Variants in B3GALT1 observed in about 807,000 individuals in gnomAD.
B3GALT1 encodes beta-1,3-galactosyltransferase 1.
In B3GALT1, 10 loss-of-function variants were observed where a neutral mutation model predicts 23.2. The observed-to-expected ratio is 0.43, with a 90% CI of 0.27 to 0.73. The LOEUF is 0.73. Ranked by LOEUF, B3GALT1 falls within the 30% of genes least tolerant of loss-of-function variation. The pLI is 0.21. For synonymous variants in B3GALT1, 156 were observed against 141.5 expected (o/e 1.10, Z -0.73); for missense variants, 299 against 405.4 (o/e 0.74, Z 2.25).
At chr2:167,743,100 A>G (rs1482349084) in intron 3 of B3GALT1, among the ~76,000 whole-genome samples, 1 of 152,084 alleles carries the variant, frequency 6.6e-6, no homozygotes, top group African/African-American at 2.4e-5. Flanking sequence ...TACTGTAGCT[A>G]TAGTTCACTC....
At chr2:167,434,066 A>G (rs758806877) in intron 1 of B3GALT1, among the ~76,000 whole-genome samples, 31 of 152,234 alleles carry the variant, frequency 2.0e-4, no homozygotes, top group Non-Finnish European at 4.0e-4. Context: ...ATGTAATGGA[A>G]GGAAACATGT....
chr2:167,694,851 T>C (rs142040979), intron 3 of B3GALT1, among the ~76,000 whole-genome samples: 160 of 152,318 alleles, frequency 1.1e-3, no homozygotes, highest in African/African-American at 3.4e-3. Context: ...CCTTTTTGTC[T>C]TTCCAATCAA....
At chr2:167,430,974 G>C (rs933164344) in intron 1 of B3GALT1, among the ~76,000 whole-genome samples, 7 of 152,126 alleles carry the variant, frequency 4.6e-5, no homozygotes, top group African/African-American at 1.2e-4. Context: ...TTATCCTTCA[G>C]GCAGTTTCCC....
At position 167,764,140 on chromosome 2, in the gene B3GALT1, CA is replaced by C. The variant is rs1687938847; in HGVS notation, c.-351-54529del. ...TATCTTTTTTTAGATTTAAGAGCTC[CA>C]AATAGCACTGTAGCCTACATTAAGC... On this transcript the variant is annotated intron_variant, in intron 3 of 4. Coordinates refer to ENST00000392690, the MANE Select transcript of B3GALT1 (RefSeq NM_020981.4). 2.0e-5 allele frequency among the ~76,000 whole-genome samples: 3 copies of C among 152,140 alleles called. No homozygotes were observed. The South Asian group carries it at 6.2e-4, about 31-fold the overall frequency.
chr2:167,509,613 C>T (rs897044239), intron 2 of B3GALT1, among the ~76,000 whole-genome samples: 1 of 152,036 alleles, frequency 6.6e-6, no homozygotes, highest in Non-Finnish European at 1.5e-5. Context: ...AGACAGTAAA[C>T]AAGCCATGCA....
At chr2:167,818,187 A>G (rs1484501234) in intron 3 of B3GALT1, among the ~76,000 whole-genome samples, 1 of 152,198 alleles carries the variant, frequency 6.6e-6, no homozygotes, top group African/African-American at 2.4e-5. Context: ...TTAAAATTAG[A>G]TCCTAAAGTA....
At chr2:167,635,404 CA>C (rs200159570) in intron 2 of B3GALT1, among the ~76,000 whole-genome samples, 1,693 of 152,240 alleles carry the variant, frequency 0.011, 14 homozygotes, top group South Asian at 0.036. Context: ...GAAAGGAAGT[CA>C]AATTGTCTCT....
intron 3 of B3GALT1, among the ~76,000 whole-genome samples, chr2:167,768,695 A>G (rs1688018082): frequency 6.6e-6 from 1 of 152,236 alleles, no homozygotes; most frequent in Non-Finnish European, 1.5e-5. Context: ...TGACAAGTTC[A>G]TAGAATGCAT....
chr2:167,860,871 T>A (rs1690085909), intron 4 of B3GALT1, among the ~76,000 whole-genome samples: 1 of 152,074 alleles, frequency 6.6e-6, no homozygotes, highest in African/African-American at 2.4e-5. Context: ...GCTTTTCTTT[T>A]TTTTTTTTTC....
intron 2 of B3GALT1, among the ~76,000 whole-genome samples, chr2:167,629,373 T>C (rs1685400362): frequency 6.6e-6 from 1 of 151,760 alleles, no homozygotes. Flanking sequence ...GTTTTAATTT[T>C]GACGTCAGCC....
chr2:167,530,503 G>T (rs920768422), intron 2 of B3GALT1, among the ~76,000 whole-genome samples: 1 of 152,176 alleles, frequency 6.6e-6, no homozygotes, highest in Non-Finnish European at 1.5e-5. Context: ...TGCTGGAATA[G>T]TTCCTTAAAT....
chr2:167,362,267 G>T (rs552563126), intron 1 of B3GALT1, among the ~76,000 whole-genome samples: 1 of 152,162 alleles, frequency 6.6e-6, no homozygotes, highest in East Asian at 1.9e-4. Context: ...ACAAGATAGG[G>T]TGATACATCA....
chr2:167,424,591 A>ATGTGTGTG (rs953307664), intron 1 of B3GALT1, among the ~76,000 whole-genome samples: 1 of 151,292 alleles, frequency 6.6e-6, no homozygotes, highest in Non-Finnish European at 1.5e-5. Context: ...GTTTGTGTGT[A>ATGTGTGTG]TGTGTGTGTG....
intron 1 of B3GALT1, among the ~76,000 whole-genome samples, chr2:167,355,497 A>C (rs1258209311): frequency 6.6e-6 from 1 of 152,186 alleles, no homozygotes; most frequent in Non-Finnish European, 1.5e-5. Context: ...ATCAATAATT[A>C]CAGTAGGTTG....
At chr2:167,737,854 T>C (rs963617123) in intron 3 of B3GALT1, among the ~76,000 whole-genome samples, 1 of 152,190 alleles carries the variant, frequency 6.6e-6, no homozygotes, top group African/African-American at 2.4e-5. Flanking sequence ...ACTTAACCCA[T>C]CAGTGGAGTT....
At chr2:167,298,774 CTG>C (rs1340848225) in intron 1 of B3GALT1, among the ~76,000 whole-genome samples, 2 of 152,026 alleles carry the variant, frequency 1.3e-5, no homozygotes, top group African/African-American at 2.4e-5. Flanking sequence ...AATACCAAAA[CTG>C]TGTGCAGTTT....
intron 2 of B3GALT1, among the ~76,000 whole-genome samples, chr2:167,603,665 C>T (rs1684912318): frequency 6.6e-6 from 1 of 152,208 alleles, no homozygotes; most frequent in Non-Finnish European, 1.5e-5. Flanking sequence ...TTGTTCACAT[C>T]CATATTTGGC....
At chr2:167,474,654 T>C (rs893162525) in intron 1 of B3GALT1, among the ~76,000 whole-genome samples, 9 of 152,170 alleles carry the variant, frequency 5.9e-5, no homozygotes, top group Admixed American at 5.9e-4. Context: ...AAAACCTGAT[T>C]CTACTCCTGC....
At chr2:167,800,731 A>T (rs866215923) in intron 3 of B3GALT1, among the ~76,000 whole-genome samples, 2 of 152,294 alleles carry the variant, frequency 1.3e-5, no homozygotes, top group Middle Eastern at 3.4e-3. Context: ...AACCAAAAAA[A>T]GTCTGTTGAT....
Sources: allele counts gnomAD v4.1 joint callset (sites outside exome capture counted in the v4.1 genomes callset), GRCh38; gene constraint gnomAD v4.1.1; transcripts MANE v1.5; gene names NCBI Gene and HGNC (gene_info 2026-07-23, HGNC 2026-07-21).